The following DDX5 variants were observed in gnomAD, a reference collection of about 807,000 sequenced individuals.
DDX5 encodes the protein probable ATP-dependent RNA helicase DDX5.
Under a neutral mutation model 68.6 loss-of-function variants are expected in DDX5, and 6 were observed. That is an observed-to-expected ratio of 0.09 (90% confidence interval 0.05 to 0.17). The LOEUF is 0.17. Among genes scored for constraint, DDX5 ranks in the 10% least tolerant of loss-of-function variants. The pLI, the probability that DDX5 is intolerant of heterozygous loss-of-function variation, is 1.00. For missense variants in DDX5, 499 were observed against 756.1 expected (o/e 0.66, Z 3.99); for synonymous variants, 350 against 247.0 (o/e 1.42, Z -3.91).
chr17:64,502,996 G>A lies in DDX5; in HGVS notation c.913C>T (p.Leu305Phe), dbSNP rs782575221. Residue 305 changes from leucine to phenylalanine, a missense_variant, in exon 8 of 13, where the codon CTT (leucine) becomes TTT (phenylalanine). This residue lies in a region of DDX5 where 141 missense variants were observed against 279.8 expected (regional missense o/e 0.50). Transcript: ENST00000225792. ...ATGTTGTGGTTTGCACTCAGTTCAA[G>A]TGCACCAATGTTTATATGAATATAG... Reference protein sequence around the residue: ...KDYIHINIGALELSANHNILQ... With the variant: ...KDYIHINIGAFELSANHNILQ... The A allele has an allele frequency of 6.2e-7, 1 of 1,613,946 alleles. No individual in the cohort carries two copies. The highest frequency in any genetic ancestry group is 2.2e-5 in the East Asian group (1 of 44,882).
Position 64,502,072 on chromosome 17 carries a change from A to G in DDX5, c.1157-3T>C. ...AGGAGCTTTTCCATGTTTGAATTCT[A>G]CAAAGGAAGGCATATACATGATCAA... On this transcript the variant is annotated splice_polypyrimidine_tract_variant and splice_region_variant and intron_variant, in intron 10 of 12. Coordinates refer to ENST00000225792, the MANE Select transcript of DDX5 (RefSeq NM_004396.5). 1 of 1,614,184 alleles carries G rather than the reference A, an allele frequency of 6.2e-7. No individual in the cohort carries two copies. Among genetic ancestry groups the G allele is most frequent in the Non-Finnish European group, 8.5e-7 (1 of 1,180,008 alleles).
At chr17:64,505,535 T>C in intron 1 of DDX5, 1 of 618,458 alleles carries the variant, frequency 1.6e-6, no homozygotes, top group Non-Finnish European at 2.9e-6. Context: ...TGCGCCACAT[T>C]TTCTCGACGC....
intron 1 of DDX5, chr17:64,505,750 C>T (rs1568108912): frequency 2.6e-6 from 4 of 1,536,086 alleles, no homozygotes; most frequent in Non-Finnish European, 3.5e-6. Flanking sequence ...CCGCACCTAA[C>T]AGATGTTCCT....
rs1182472965 is a variant in DDX5, at chr17:64,506,251, G to A, written c.-132C>T. 37 of 1,547,606 alleles carry A rather than the reference G, an allele frequency of 2.4e-5. No individual in the cohort carries two copies. The highest frequency in any genetic ancestry group is 7.8e-5 in the Admixed American group (4 of 51,014). On this transcript the variant is annotated 5_prime_UTR_variant, in exon 1 of 13. Coordinates refer to ENST00000225792, the MANE Select transcript of DDX5 (RefSeq NM_004396.5). ...AGGAAGGACACCGATGACACCAGCC[G>A]AAGCTGCACTACTAGAGACCGGTAG... is the stretch of plus-strand genomic sequence containing the variant.
chr17:64,506,496 G>C, upstream of DDX5: 2 of 902,810 alleles, frequency 2.2e-6, no homozygotes, highest in Admixed American at 6.5e-5. Flanking sequence ...GCCTCATTCT[G>C]CACTCTCTTG....
At chr17:64,502,629 C>T in intron 8 of DDX5, 80 bp from the exon 9 acceptor site, 1 of 1,038,936 alleles carries the variant, frequency 9.6e-7, no homozygotes, top group Non-Finnish European at 1.4e-6. Context: ...GTCAGCAAAA[C>T]ATTAAGTTCA....
At position 64,504,269 on chromosome 17, in the gene DDX5, T is replaced by A; in HGVS notation, c.260A>T (p.His87Leu). The change falls in exon 3 of 13, where the codon CAC (histidine) becomes CTC (leucine). Residue 87 changes from histidine to leucine, a missense_variant. By Grantham distance (99) the His-to-Leu change is moderately conservative (BLOSUM62 -3). Transcript: ENST00000225792. ...RRSKEITVRG[H>L]NCPKPVLNFY... is the part of the protein sequence containing the mutation. ...ATTTAGAACTGGCTTCGGGCAGTTGTGACCTCTAACTGTAATTTCCTTGCT... is the reference window on the plus strand; with the variant it reads ...ATTTAGAACTGGCTTCGGGCAGTTGAGACCTCTAACTGTAATTTCCTTGCT... 1 of 1,614,168 alleles carries A rather than the reference T, an allele frequency of 6.2e-7. No homozygotes were observed. Among genetic ancestry groups the A allele is most frequent in the Non-Finnish European group, 8.5e-7 (1 of 1,180,030 alleles).
In DDX5 at chr17:64,500,101, G is replaced by A. The variant is rs1286143301; in HGVS notation, c.1667C>T (p.Thr556Ile). ...GSNFVSAGIQ[T>I]SFRTGNPTGT... ...TGTTGGATTACCAGTCCTAAAACTG[G>A]TCTGTATACCAGCAGACACAAAATT... The change falls in exon 13 of 13, where the codon ACC becomes ATC. Residue 556 changes from threonine to isoleucine, a missense_variant. This residue lies in a region of DDX5 where 171 missense variants were observed against 174.8 expected (regional missense o/e 0.98). Coordinates refer to ENST00000225792, the MANE Select transcript of DDX5 (RefSeq NM_004396.5). 12 of 1,614,138 alleles carry A rather than the reference G, an allele frequency of 7.4e-6. No homozygotes were observed. Among genetic ancestry groups the A allele is most frequent in the South Asian group, 1.1e-5 (1 of 91,084 alleles).
At chr17:64,506,311 G>C, upstream of DDX5, 2 of 1,507,518 alleles carry the variant, frequency 1.3e-6, no homozygotes. Flanking sequence ...TCCGGCAGCC[G>C]CTTTTATAGT....
At position 64,504,526 on chromosome 17, in the gene DDX5, T is replaced by C. The variant is rs1175986902; in HGVS notation, c.210+151A>G. On this transcript the variant is annotated intron_variant, in intron 2 of 12. Coordinates refer to ENST00000225792, the MANE Select transcript of DDX5 (RefSeq NM_004396.5). Reference sequence around the variant, plus strand: ...TAAGTAAAAATCCCAAAGCCACCTATATCCAAAAGTGAGTCACACCTTTCC... The same window carrying C: ...TAAGTAAAAATCCCAAAGCCACCTACATCCAAAAGTGAGTCACACCTTTCC... 3 of 1,056,532 alleles carry C rather than the reference T, an allele frequency of 2.8e-6. No homozygotes were observed. In the African/African-American group the frequency reaches 4.8e-5, roughly 17 times the overall value. The allele number at this position is 1,056,532 out of a possible 1,614,324, so 65.4% of individuals were successfully genotyped here.
At chr17:64,504,539 G>C (rs2038377871) in intron 2 of DDX5, 138 bp downstream of exon 2, 3 of 1,127,282 alleles carry the variant, frequency 2.7e-6, no homozygotes, top group Non-Finnish European at 3.8e-6. Context: ...CCAAAAGTGA[G>C]TCACACCTTT....
In DDX5 at chr17:64,499,791, G is replaced by A; in HGVS notation, c.*132C>T. 4 of 826,060 alleles carry A rather than the reference G, an allele frequency of 4.8e-6. No individual in the cohort carries two copies. The highest frequency in any genetic ancestry group is 2.9e-5 in the East Asian group (1 of 35,046). 51.2% of individuals were successfully genotyped at this position (826,060 alleles called of 1,614,324 possible). ...AATATCCAACTTAAATAGCGAAAAA[G>A]TGCACCATAATTACTGCTGCACTGC... On this transcript the variant is annotated 3_prime_UTR_variant, in exon 13 of 13. Transcript: ENST00000225792.
At chr17:64,502,658 C>A in intron 8 of DDX5, 109 bp from the exon 9 acceptor site, 1 of 871,928 alleles carries the variant, frequency 1.1e-6, no homozygotes, top group South Asian at 1.7e-5. Context: ...GGCTGGAAGT[C>A]AAAGAGGAAA....
intron 11 of DDX5, 149 bp from the exon 12 acceptor site, chr17:64,500,922 AG>A: frequency 1.6e-6 from 1 of 628,428 alleles, no homozygotes; most frequent in Admixed American, 2.9e-5. Flanking sequence ...CATTTCCTGT[AG>A]GAATACCATT....
At chr17:64,504,364 C>T (rs1555671726) in intron 2 of DDX5, 46 bp from the exon 3 acceptor site, 10 of 1,493,266 alleles carry the variant, frequency 6.7e-6, no homozygotes, top group Non-Finnish European at 9.3e-6. Context: ...ACAACCACCC[C>T]TAGCTAAATA....
At chr17:64,505,813 C>T (rs1317881079) in intron 1 of DDX5, 8 of 1,536,074 alleles carry the variant, frequency 5.2e-6, no homozygotes, top group African/African-American at 2.7e-5. Context: ...TCCCTCTCAA[C>T]TCCCTCAACA....
At chr17:64,504,555 T>C in intron 2 of DDX5, 122 bp downstream of exon 2, 1 of 1,236,432 alleles carries the variant, frequency 8.1e-7, no homozygotes. Context: ...CCTTTCCCAA[T>C]TATGAAGTCA....
chr17:64,500,283 G>C lies in DDX5; in HGVS notation c.1485C>G (p.Asp495Glu), dbSNP rs1473854999. Reference sequence around the variant, plus strand: ...CACCCCTTTTGCCCGCAGAGTATCTGTCCCGACGGTCATCCTTCATGCCTC... The same window carrying C: ...CACCCCTTTTGCCCGCAGAGTATCTCTCCCGACGGTCATCCTTCATGCCTC... ...GRGGMKDDRR[D>E]RYSAGKRGGF... Residue 495 changes from aspartate (D) to glutamate (E), a missense_variant, in exon 13 of 13, where the codon GAC becomes GAG. Asp to Glu is a conservative substitution (Grantham distance 45, BLOSUM62 2). This residue lies in a region of DDX5 where 171 missense variants were observed against 174.8 expected (regional missense o/e 0.98). Transcript: ENST00000225792. The C allele has an allele frequency of 6.2e-7, 1 of 1,613,384 alleles. No individual in the cohort carries two copies. Among genetic ancestry groups the C allele is most frequent in the Non-Finnish European group, 8.5e-7 (1 of 1,179,606 alleles).
intron 1 of DDX5, chr17:64,505,409 G>T (rs1394637944): frequency 1.9e-6 from 1 of 526,608 alleles, no homozygotes; most frequent in Non-Finnish European, 3.4e-6. Context: ...TATAACGCAG[G>T]AAAAAAGAAA....
Sources: gnomAD v4.1 joint callset for allele counts on GRCh38, gnomAD v4.1.1 for gene constraint, gnomAD v4.1.1 regional missense constraint, MANE v1.5 for transcripts, NCBI Gene and HGNC (gene_info 2026-07-23, HGNC 2026-07-21) for gene names.